DCC: variants seen among roughly 807,000 people sequenced by gnomAD.
DCC encodes DCC netrin 1 receptor, also known as netrin receptor DCC.
In DCC, 58 loss-of-function variants were observed where a neutral mutation model predicts 172.5. The observed-to-expected ratio is 0.34, with a 90% CI of 0.27 to 0.42. The LOEUF (loss-of-function observed/expected upper bound fraction) is 0.42. Among genes scored for constraint, DCC ranks in the 10% least tolerant of loss-of-function variants. DCC has a pLI of 1.00. For missense variants in DCC, 1,740 were observed against 1,791.0 expected (o/e 0.97, Z 0.51); for synonymous variants, 709 against 644.5 (o/e 1.10, Z -1.52).
At chr18:52,820,470 T>A (rs1181422168) in intron 2 of DCC, among the ~76,000 whole-genome samples, 3 of 151,724 alleles carry the variant, frequency 2.0e-5, no homozygotes, top group Non-Finnish European at 4.4e-5. Flanking sequence ...TTAATGTTTT[T>A]GTAACCTAGC....
intron 12 of DCC, among the ~76,000 whole-genome samples, chr18:53,260,427 G>A (rs1416670058): frequency 6.6e-6 from 1 of 152,160 alleles, no homozygotes; most frequent in African/African-American, 2.4e-5. Context: ...TAACAGTCAG[G>A]ACCCTCAGCT....
At chr18:53,288,457 C>T (rs533077851) in intron 12 of DCC, among the ~76,000 whole-genome samples, 1 of 152,104 alleles carries the variant, frequency 6.6e-6, no homozygotes, top group East Asian at 1.9e-4. Flanking sequence ...GTTAACATTG[C>T]TTGAAATAAA....
At chr18:53,173,775 CAG>C (rs1166887503) in intron 8 of DCC, among the ~76,000 whole-genome samples, 13 of 142,870 alleles carry the variant, frequency 9.1e-5, no homozygotes, top group African/African-American at 3.5e-4. Flanking sequence ...ATCAACGAGA[CAG>C]AAAGTCAACA....
At chr18:52,616,706 A>C (rs1035528489) in intron 1 of DCC, among the ~76,000 whole-genome samples, 1 of 152,196 alleles carries the variant, frequency 6.6e-6, no homozygotes, top group African/African-American at 2.4e-5. Flanking sequence ...ACATGTTCCC[A>C]TGCAATTCAA....
At chr18:52,672,661 G>GC (rs2035575209) in intron 1 of DCC, among the ~76,000 whole-genome samples, 1 of 43,938 alleles carries the variant, frequency 2.3e-5, no homozygotes, top group African/African-American at 8.8e-5. Flanking sequence ...CTTCCCCCTT[G>GC]CCCCCTTCCC....
At chr18:52,480,276 G>T (rs1175182484) in intron 1 of DCC, among the ~76,000 whole-genome samples, 1 of 152,036 alleles carries the variant, frequency 6.6e-6, no homozygotes, top group Non-Finnish European at 1.5e-5. Flanking sequence ...ACATACCTTG[G>T]TTATCTACTT....
intron 28 of DCC, among the ~76,000 whole-genome samples, chr18:53,528,227 T>C (rs1233417860): frequency 6.6e-6 from 1 of 152,134 alleles, no homozygotes; most frequent in Non-Finnish European, 1.5e-5. Flanking sequence ...TTTTTTTCAA[T>C]ACTACAAACA....
At chr18:52,481,521 C>T (rs2029960268) in intron 1 of DCC, among the ~76,000 whole-genome samples, 1 of 152,122 alleles carries the variant, frequency 6.6e-6, no homozygotes, top group African/African-American at 2.4e-5. Flanking sequence ...GACTCAACAC[C>T]AAAAAATGCA....
intron 2 of DCC, among the ~76,000 whole-genome samples, chr18:52,778,778 A>G (rs958446859): frequency 1.3e-5 from 2 of 152,104 alleles, no homozygotes; most frequent in Non-Finnish European, 2.9e-5. Context: ...ATTCTGTTTT[A>G]TTATCCTCTA....
intron 12 of DCC, among the ~76,000 whole-genome samples, chr18:53,294,023 G>C (rs958835965): frequency 1.3e-5 from 2 of 152,108 alleles, no homozygotes; most frequent in Non-Finnish European, 2.9e-5. Flanking sequence ...AATGAAGCGG[G>C]TTGGGTAAGT....
At chr18:53,428,049 TATA>T (rs545635052) in intron 21 of DCC, among the ~76,000 whole-genome samples, 2,881 of 37,640 alleles carry the variant, frequency 0.077, 378 homozygotes, top group African/African-American at 0.18. Context: ...AATAATATAT[TATA>T]ATAATGTGTC....
chr18:53,175,057 C>A (rs2144461072), intron 8 of DCC, among the ~76,000 whole-genome samples: 1 of 151,896 alleles, frequency 6.6e-6, no homozygotes, highest in South Asian at 2.1e-4. Context: ...AGCATATAAA[C>A]AGAGCCAAAG....
chr18:52,520,665 G>T (rs948340307), intron 1 of DCC, among the ~76,000 whole-genome samples: 5 of 152,036 alleles, frequency 3.3e-5, no homozygotes, highest in African/African-American at 9.7e-5. Flanking sequence ...CAGTCGTTCA[G>T]ATTGAGTTTT....
intron 1 of DCC, among the ~76,000 whole-genome samples, chr18:52,529,378 C>T (rs1344226362): frequency 3.3e-5 from 5 of 152,172 alleles, no homozygotes; most frequent in African/African-American, 1.2e-4. Flanking sequence ...GCAAGCTCCG[C>T]CTCCCGGGTT....
chr18:52,963,321 G>T (rs1441813422), intron 5 of DCC, among the ~76,000 whole-genome samples: 1 of 150,920 alleles, frequency 6.6e-6, no homozygotes, highest in African/African-American at 2.4e-5. Flanking sequence ...AAAAAGGCCC[G>T]GTGTGAAAAA....
intron 1 of DCC, among the ~76,000 whole-genome samples, chr18:52,742,849 C>A (rs1029881380): frequency 1.3e-5 from 2 of 152,038 alleles, no homozygotes; most frequent in African/African-American, 2.4e-5. Context: ...CTGAAAATAA[C>A]AAGTATCAAA....
chr18:52,504,774 C>T lies in DCC; in HGVS notation c.91+163896C>T, dbSNP rs569135203. Among the ~76,000 whole-genome samples the T allele has an allele frequency of 3.9e-5, 6 of 152,160 alleles. No individual in the cohort carries two copies. The East Asian group carries it at 9.7e-4, about 25-fold the overall frequency. ...TGCTCTACCTTTGTGCCGCCCCTCC[C>T]CCCGGCCACCTCAGTGTAAAAGCCA... is the stretch of plus-strand genomic sequence containing the variant. On this transcript the variant is annotated intron_variant, in intron 1 of 28. Transcript: ENST00000442544.
chr18:52,472,284 C>T (rs1029303347), intron 1 of DCC, among the ~76,000 whole-genome samples: 7 of 152,126 alleles, frequency 4.6e-5, no homozygotes, highest in Non-Finnish European at 1.0e-4. Context: ...CCCCTGTCTC[C>T]CCACCAACCC....
chr18:52,407,707 G>T (rs1182755360), intron 1 of DCC, among the ~76,000 whole-genome samples: 1 of 152,002 alleles, frequency 6.6e-6, no homozygotes, highest in African/African-American at 2.4e-5. Flanking sequence ...ATGAATGAAT[G>T]AATGGTTAGG....
Sources: gnomAD v4.1 joint callset for allele counts (sites outside exome capture counted in the v4.1 genomes callset) on GRCh38, gnomAD v4.1.1 for gene constraint, MANE v1.5 for transcripts, NCBI Gene and HGNC (gene_info 2026-07-23, HGNC 2026-07-21) for gene names.